ADAM22: variants seen among roughly 807,000 people sequenced by gnomAD.
ADAM22 encodes the protein ADAM metallopeptidase domain 22, also known as disintegrin and metalloproteinase domain-containing protein 22.
In ADAM22, 65 loss-of-function variants were observed where a neutral mutation model predicts 144.6. That is an observed-to-expected ratio of 0.45 (90% CI 0.37 to 0.55). The LOEUF is 0.55. Ranked by LOEUF, ADAM22 falls within the 20% of genes least tolerant of loss-of-function variation. The probability of loss-of-function intolerance (pLI) is 0.00; values close to 1 mark genes in which losing one functional copy is unlikely to be tolerated. For missense variants in ADAM22, 974 were observed against 1,184.9 expected (o/e 0.82, Z 2.61); for synonymous variants, 391 against 412.6 (o/e 0.95, Z 0.63).
At chr7:88,032,352 T>C (rs1214167204) in intron 3 of ADAM22, among the ~76,000 whole-genome samples, 1 of 152,228 alleles carries the variant, frequency 6.6e-6, no homozygotes, top group Non-Finnish European at 1.5e-5. Flanking sequence ...AGACATTAAA[T>C]GATTGCCCTG....
chr7:88,096,718 A>G (rs1421304512), intron 4 of ADAM22, among the ~76,000 whole-genome samples: 1 of 152,158 alleles, frequency 6.6e-6, no homozygotes, highest in Non-Finnish European at 1.5e-5. Context: ...TTGTATTTAA[A>G]AGAAAAGTAA....
At position 88,009,189 on chromosome 7, in the gene ADAM22, C is replaced by G. The variant is rs533993325; in HGVS notation, c.323+30777C>G. On this transcript the variant is annotated intron_variant, in intron 3 of 31. Coordinates refer to ENST00000413139, the MANE Select transcript of ADAM22 (RefSeq NM_001324418.2). ...CTTAAATACTCTGAATTAATGACCC[C>G]CATGACACAGTTTGTTATCACTGTC... 5.9e-5 allele frequency among the ~76,000 whole-genome samples: 9 copies of G among 152,192 alleles called. No homozygotes were observed. In the South Asian group the frequency reaches 1.7e-3, roughly 28 times the overall value.
intron 3 of ADAM22, among the ~76,000 whole-genome samples, chr7:88,055,122 T>A (rs1224439633): frequency 6.6e-6 from 1 of 151,994 alleles, no homozygotes; most frequent in East Asian, 1.9e-4. Context: ...TATATATATA[T>A]CTTTTGTTTC....
At chr7:88,013,501 T>G (rs1251139764) in intron 3 of ADAM22, among the ~76,000 whole-genome samples, 1 of 152,224 alleles carries the variant, frequency 6.6e-6, no homozygotes, top group East Asian at 1.9e-4. Flanking sequence ...CATAGCTAAC[T>G]GCAGCCTCAA....
chr7:87,953,401 C>G (rs1183506248), intron 2 of ADAM22, among the ~76,000 whole-genome samples: 1 of 152,064 alleles, frequency 6.6e-6, no homozygotes, highest in Admixed American at 6.6e-5. Context: ...CGTTATGTAT[C>G]CAGTAGTCAT....
Position 88,181,521 on chromosome 7 carries a change from C to T in ADAM22, c.2512C>T (p.His838Tyr), listed in dbSNP as rs1368403973. 2.5e-6 allele frequency: 4 copies of T among 1,613,602 alleles called. No individual in the cohort carries two copies. Among genetic ancestry groups the T allele is most frequent in the Admixed American group, 1.7e-5 (1 of 59,968 alleles). Reference sequence around the variant, plus strand: ...CAATTTCAGGTCAAATGGGCTCTCTCATTCTTGGAGTGAAAGGATTCCAGA... The same window carrying T: ...CAATTTCAGGTCAAATGGGCTCTCTTATTCTTGGAGTGAAAGGATTCCAGA... ...LFCSRSNGLS[H>Y]SWSERIPDTK... The change falls in exon 28 of 32, where the codon CAT becomes TAT. Residue 838 changes from histidine to tyrosine, a missense_variant. This residue lies in a region of ADAM22 where 734 missense variants were observed against 950.6 expected (regional missense o/e 0.77). Coordinates refer to ENST00000413139, the MANE Select transcript of ADAM22 (RefSeq NM_001324418.2).
intron 7 of ADAM22, among the ~76,000 whole-genome samples, chr7:88,121,192 G>T (rs1156900992): frequency 6.6e-6 from 1 of 151,860 alleles, no homozygotes; most frequent in African/African-American, 2.4e-5. Context: ...CTCCAATTCT[G>T]GTTTTTCCAA....
At chr7:88,097,994 G>C (rs1821892435) in intron 4 of ADAM22, among the ~76,000 whole-genome samples, 1 of 152,106 alleles carries the variant, frequency 6.6e-6, no homozygotes, top group African/African-American at 2.4e-5. Flanking sequence ...CAGAGAATCT[G>C]ATAAGCCCCC....
At position 88,168,745 on chromosome 7, in the gene ADAM22, A is replaced by T. The variant is rs562772199; in HGVS notation, c.2282+518A>T. Among the ~76,000 whole-genome samples the T allele has an allele frequency of 1.6e-4, 24 of 152,296 alleles. No individual in the cohort carries two copies. In the South Asian group the frequency reaches 5.0e-3, roughly 32 times the overall value. On this transcript the variant is annotated intron_variant, in intron 25 of 31. Transcript: ENST00000413139. ...GTTTAATAAGTTAAAATGTAAATATAGTAAACCTTAAATTTTCTTTAATAT... is the reference window on the plus strand; with the variant it reads ...GTTTAATAAGTTAAAATGTAAATATTGTAAACCTTAAATTTTCTTTAATAT...
chr7:88,136,678 T>A (rs1303823231), intron 14 of ADAM22, among the ~76,000 whole-genome samples: 1 of 152,136 alleles, frequency 6.6e-6, no homozygotes, highest in Non-Finnish European at 1.5e-5. Flanking sequence ...CTTTTGCTGT[T>A]ATTATTTTAA....
Position 87,935,102 on chromosome 7 carries a change from C to T in ADAM22, c.162C>T (p.Arg54=). The change falls in exon 2 of 32, where the codon CGC becomes CGT. Residue 54 remains arginine (R), a synonymous_variant. Transcript: ENST00000413139. ...FVERQSIVPL[R]LIYRSGGEDE... Reference sequence around the variant, plus strand: ...AGCGCCAGAGCATCGTGCCACTGCGCCTCATCTACCGCTCGGGCGGCGAAG... The same window carrying T: ...AGCGCCAGAGCATCGTGCCACTGCGTCTCATCTACCGCTCGGGCGGCGAAG... The T allele has an allele frequency of 6.2e-7, 1 of 1,614,064 alleles. No individual in the cohort carries two copies.
intron 2 of ADAM22, among the ~76,000 whole-genome samples, chr7:87,954,044 G>A (rs1389648759): frequency 1.6e-4 from 25 of 151,948 alleles, no homozygotes; most frequent in African/African-American, 4.6e-4. Flanking sequence ...GTCTCTGCCC[G>A]TGAGATGGGT....
At chr7:88,131,671 A>G (rs1831817843) in intron 11 of ADAM22, 1 of 521,994 alleles carries the variant, frequency 1.9e-6, no homozygotes, top group Non-Finnish European at 3.3e-6. Flanking sequence ...ATATTTAAAT[A>G]GAGCATTTAC....
At chr7:88,171,010 A>T (rs1233769328) in intron 25 of ADAM22, among the ~76,000 whole-genome samples, 1 of 151,900 alleles carries the variant, frequency 6.6e-6, no homozygotes, top group African/African-American at 2.4e-5. Flanking sequence ...GGAGATCCTT[A>T]ACAGTCACGA....
chr7:88,044,096 A>G (rs910595806), intron 3 of ADAM22, among the ~76,000 whole-genome samples: 4 of 152,274 alleles, frequency 2.6e-5, no homozygotes, highest in Admixed American at 2.0e-4. Context: ...TATGTCAGTT[A>G]TTAAAAAGTA....
intron 2 of ADAM22, among the ~76,000 whole-genome samples, chr7:87,973,022 C>T (rs993100004): frequency 1.3e-5 from 2 of 152,180 alleles, no homozygotes; most frequent in African/African-American, 4.8e-5. Flanking sequence ...CCATTCAGGA[C>T]ATAGGCACGG....
intron 26 of ADAM22, among the ~76,000 whole-genome samples, chr7:88,172,875 A>G (rs1375894665): frequency 6.6e-6 from 1 of 152,016 alleles, no homozygotes; most frequent in Non-Finnish European, 1.5e-5. Context: ...TCTGTTGGGT[A>G]GAGGTTGATT....
At chr7:88,127,279 G>A (rs988843848) in intron 8 of ADAM22, among the ~76,000 whole-genome samples, 4 of 151,866 alleles carry the variant, frequency 2.6e-5, no homozygotes, top group African/African-American at 4.8e-5. Context: ...CTAATCATTT[G>A]CTAAGTAGAC....
chr7:88,185,943 A>G (rs1848198352), intron 29 of ADAM22: 1 of 152,404 alleles, frequency 6.6e-6, no homozygotes, highest in South Asian at 2.1e-4. Context: ...GGAACACTGC[A>G]GCTGCAACTA....
Sources: allele counts gnomAD v4.1 joint callset (sites outside exome capture counted in the v4.1 genomes callset), GRCh38; gene constraint gnomAD v4.1.1; regional missense constraint gnomAD v4.1.1; transcripts MANE v1.5; gene names NCBI Gene and HGNC (gene_info 2026-07-23, HGNC 2026-07-21).